MTUS2: variants seen among roughly 807,000 people sequenced by gnomAD.
MTUS2 encodes microtubule associated scaffold protein 2, also known as microtubule-associated tumor suppressor candidate 2.
In MTUS2, 40 loss-of-function variants were observed where a neutral mutation model predicts 114.1. The ratio of observed to expected loss-of-function variants is 0.35; its 90% confidence interval spans 0.27 to 0.46. The LOEUF (loss-of-function observed/expected upper bound fraction) is 0.46, where lower values mean the gene tolerates loss of function less well. Ranked by LOEUF, MTUS2 falls within the 20% of genes least tolerant of loss-of-function variation. The pLI, the probability that MTUS2 is intolerant of heterozygous loss-of-function variation, is 1.00. For missense variants in MTUS2, 1,679 were observed against 1,705.4 expected, an observed-to-expected ratio of 0.98 and a Z score of 0.27; for synonymous variants, 688 against 672.0, an observed-to-expected ratio of 1.02 and a Z score of -0.37.
chr13:29,002,406 A>G lies in MTUS2; in HGVS notation c.-242-22051A>G, dbSNP rs777990821. 1.4e-4 allele frequency among the ~76,000 whole-genome samples: 22 copies of G among 152,344 alleles called. No homozygotes were observed. The East Asian group carries it at 2.1e-3, about 15-fold the overall frequency. ...CTGCTTATACCACAATTGATACACT[A>G]TATACCCATATATACTATATACTAT... On this transcript the variant is annotated intron_variant, in intron 2 of 15. Coordinates refer to ENST00000612955, the MANE Select transcript of MTUS2 (RefSeq NM_001033602.4).
At chr13:29,223,038 G>T (rs1213216821) in intron 5 of MTUS2, among the ~76,000 whole-genome samples, 1 of 152,202 alleles carries the variant, frequency 6.6e-6, no homozygotes, top group Non-Finnish European at 1.5e-5. Context: ...AAACAGTCTG[G>T]ACACTGTGGG....
intron 5 of MTUS2, among the ~76,000 whole-genome samples, chr13:29,221,591 C>T (rs1174512443): frequency 6.6e-6 from 1 of 151,940 alleles, no homozygotes; most frequent in African/African-American, 2.4e-5. Context: ...CTTTATATAT[C>T]CTGGTTACTA....
intron 5 of MTUS2, among the ~76,000 whole-genome samples, chr13:29,107,491 TG>T (rs1890715834): frequency 1.3e-5 from 2 of 152,238 alleles, no homozygotes; most frequent in African/African-American, 4.8e-5. Context: ...TCATAGTTGA[TG>T]AAGCTCATAA....
chr13:29,315,743 G>T (rs1257476933), intron 6 of MTUS2, among the ~76,000 whole-genome samples: 1 of 152,168 alleles, frequency 6.6e-6, no homozygotes, highest in Admixed American at 6.5e-5. Flanking sequence ...AAGGAATCTG[G>T]TGTAAACTTT....
At chr13:29,034,748 C>G (rs1455292461) in intron 4 of MTUS2, among the ~76,000 whole-genome samples, 2 of 152,148 alleles carry the variant, frequency 1.3e-5, no homozygotes, top group African/African-American at 2.4e-5. Flanking sequence ...AGGACAGGAC[C>G]TGGCTAGAGA....
intron 5 of MTUS2, among the ~76,000 whole-genome samples, chr13:29,253,449 TAAA>T (rs1290775485): frequency 6.6e-6 from 1 of 151,796 alleles, no homozygotes; most frequent in South Asian, 2.1e-4. Context: ...AAAATATAAA[TAAA>T]AAAATAAAAA....
chr13:29,170,785 A>T (rs1288063780), intron 5 of MTUS2, among the ~76,000 whole-genome samples: 1 of 152,200 alleles, frequency 6.6e-6, no homozygotes. Flanking sequence ...CTGGACAGTG[A>T]CAGATATTCT....
chr13:29,080,505 A>C (rs1259807105), intron 4 of MTUS2, among the ~76,000 whole-genome samples: 1 of 152,218 alleles, frequency 6.6e-6, no homozygotes, highest in Non-Finnish European at 1.5e-5. Context: ...CTGAGGAGCA[A>C]GGAAGCCAGT....
At chr13:29,004,760 G>GC (rs1236511890) in intron 2 of MTUS2, among the ~76,000 whole-genome samples, 1 of 152,206 alleles carries the variant, frequency 6.6e-6, no homozygotes, top group Non-Finnish European at 1.5e-5. Flanking sequence ...CATGGGTGAG[G>GC]CCCTTTGCTG....
At chr13:29,151,762 A>C (rs1892671706) in intron 5 of MTUS2, among the ~76,000 whole-genome samples, 1 of 152,180 alleles carries the variant, frequency 6.6e-6, no homozygotes, top group African/African-American at 2.4e-5. Flanking sequence ...GGATTTTATC[A>C]GAAGTTTTAA....
intron 7 of MTUS2, among the ~76,000 whole-genome samples, chr13:29,357,197 A>ATAT (rs1352119837): frequency 6.7e-6 from 1 of 150,160 alleles, no homozygotes; most frequent in African/African-American, 2.4e-5. Context: ...GATGATGATG[A>ATAT]TATTATTATT....
intron 7 of MTUS2, among the ~76,000 whole-genome samples, chr13:29,353,567 C>A (rs2138194885): frequency 6.6e-6 from 1 of 152,332 alleles, no homozygotes; most frequent in East Asian, 1.9e-4. Flanking sequence ...TCCCAAAGTG[C>A]TGGGATTACA....
chr13:29,317,826 A>G (rs1020270272), intron 6 of MTUS2, among the ~76,000 whole-genome samples: 3 of 152,102 alleles, frequency 2.0e-5, no homozygotes, highest in Admixed American at 6.5e-5. Context: ...ATTCTATCCA[A>G]TCCCTATAAA....
chr13:28,909,077 GT>G lies in MTUS2; in HGVS notation c.-243+69231del, dbSNP rs568218564. Among the ~76,000 whole-genome samples the G allele has an allele frequency of 6.7e-3, 1,019 of 151,658 alleles. 23 individuals are homozygous for G. Among genetic ancestry groups the G allele is most frequent in the African/African-American group, 0.024 (985 of 41,148 alleles). ...TCTGTTTTGGTACCAGTACCATGCT[GT>G]TTTGGTTACTGTAGCCTTGTAGTAT... On this transcript the variant is annotated intron_variant, in intron 2 of 15. Coordinates refer to ENST00000612955, the MANE Select transcript of MTUS2 (RefSeq NM_001033602.4).
intron 7 of MTUS2, among the ~76,000 whole-genome samples, chr13:29,355,693 C>A (rs1343793242): frequency 6.6e-6 from 1 of 152,168 alleles, no homozygotes; most frequent in Admixed American, 6.5e-5. Context: ...CCAAAAACCA[C>A]ATGACATGAA....
intron 1 of MTUS2, among the ~76,000 whole-genome samples, chr13:28,831,808 G>C (rs749514519): frequency 4.6e-5 from 7 of 151,566 alleles, no homozygotes; most frequent in Admixed American, 4.6e-4. Flanking sequence ...TCAGGCTGGA[G>C]TGCAGTGGTG....
chr13:29,300,369 G>A (rs901636575), intron 6 of MTUS2, among the ~76,000 whole-genome samples: 1 of 152,064 alleles, frequency 6.6e-6, no homozygotes, highest in African/African-American at 2.4e-5. Context: ...CTGGTATTTT[G>A]CCCACCCTGC....
chr13:29,061,733 T>C (rs1036389651), intron 4 of MTUS2, among the ~76,000 whole-genome samples: 1 of 152,248 alleles, frequency 6.6e-6, no homozygotes, highest in African/African-American at 2.4e-5. Flanking sequence ...TTTCCTTCCC[T>C]GAGGATCATA....
At chr13:29,243,614 A>G (rs1446315545) in intron 5 of MTUS2, among the ~76,000 whole-genome samples, 1 of 152,248 alleles carries the variant, frequency 6.6e-6, no homozygotes, top group African/African-American at 2.4e-5. Flanking sequence ...TTTCTTTTCA[A>G]TATGACAGAT....
Sources: gnomAD v4.1 joint callset for allele counts (sites outside exome capture counted in the v4.1 genomes callset) on GRCh38, gnomAD v4.1.1 for gene constraint, MANE v1.5 for transcripts, NCBI Gene and HGNC (gene_info 2026-07-23, HGNC 2026-07-21) for gene names.